CPNE2: variants seen among roughly 807,000 people sequenced by gnomAD.
The protein encoded by CPNE2 is copine-2.
In CPNE2, 42 loss-of-function variants were observed where a neutral mutation model predicts 69.7. The ratio of observed to expected loss-of-function variants is 0.60; its 90% CI spans 0.47 to 0.78. The LOEUF is 0.78. Ranked by LOEUF, CPNE2 falls within the 30% of genes least tolerant of loss-of-function variation. The pLI, the probability that CPNE2 is intolerant of heterozygous loss-of-function variation, is 0.00. For missense variants in CPNE2, 587 were observed against 732.0 expected (o/e 0.80, Z 2.29); for synonymous variants, 294 against 289.8 (o/e 1.01, Z -0.15).
At position 57,136,598 on chromosome 16, in the gene CPNE2, C is replaced by T. The variant is rs2069883356; in HGVS notation, c.1169-551C>T. 3.9e-5 allele frequency among the ~76,000 whole-genome samples: 6 copies of T among 152,282 alleles called. No homozygotes were observed. The South Asian group carries it at 1.0e-3, about 26-fold the overall frequency. ...AGCCTCAGAAAGATTAAACTACTTG[C>T]CCCAGGTCCCACAGCTAAGAAAGGC... On this transcript the variant is annotated intron_variant, in intron 13 of 15. Transcript: ENST00000290776.
At chr16:57,134,889 TGGAG>T in intron 13 of CPNE2, 63 bp downstream of exon 13, 4 of 1,535,648 alleles carry the variant, frequency 2.6e-6, no homozygotes, top group Non-Finnish European at 3.6e-6. Flanking sequence ...GCTCCCTGGG[TGGAG>T]GGAGGGCAGA....
intron 5 of CPNE2, among the ~76,000 whole-genome samples, chr16:57,118,167 C>CTTT (rs375042587): frequency 2.2e-5 from 3 of 135,960 alleles, no homozygotes; most frequent in African/African-American, 5.4e-5. Context: ...TACTTTCTTT[C>CTTT]TTTTTTTTTT....
Position 57,119,214 on chromosome 16 carries a change from A to G in CPNE2, c.527A>G (p.Asp176Gly), listed in dbSNP as rs759219187. The G allele has an allele frequency of 1.2e-6, 2 of 1,613,772 alleles. No individual in the cohort carries two copies. Among genetic ancestry groups the G allele is most frequent in the Non-Finnish European group, 1.7e-6 (2 of 1,179,970 alleles). ...LDKKDLFGKSDPFLEFYKPGD... is the reference protein window; with the variant it reads ...LDKKDLFGKSGPFLEFYKPGD... ...TCCCAGGACCTCTTTGGGAAGTCAG[A>G]CCCCTTTCTGGAGTTTTATAAGCCA... The change falls in exon 6 of 16, where the codon GAC becomes GGC. Residue 176 changes from aspartate (D) to glycine (G), a missense_variant. This residue lies in a region of CPNE2 where 269 missense variants were observed against 300.5 expected (regional missense o/e 0.90). Transcript: ENST00000290776.
chr16:57,106,887 C>T (rs2069651724), intron 1 of CPNE2, among the ~76,000 whole-genome samples: 1 of 152,206 alleles, frequency 6.6e-6, no homozygotes, highest in South Asian at 2.1e-4. Context: ...GCTCCCCTGG[C>T]CTGGCTGATG....
At position 57,137,237 on chromosome 16, in the gene CPNE2, C is replaced by T. The variant is rs376222779; in HGVS notation, c.1257C>T (p.His419=). The change falls in exon 14 of 16, where the codon CAC becomes CAT. Residue 419 remains histidine (H), a synonymous_variant. Transcript: ENST00000290776. ...CCAATTTCTCCCCCATCGTCAACCA[C>T]GTGGCCCGGTTTGCGGCCCAGGCCA... ...GPTNFSPIVN[H]VARFAAQATQ... 6.6e-5 allele frequency: 106 copies of T among 1,614,252 alleles called. 1 individual carries two copies. The African/African-American group carries it at 1.1e-3, about 16-fold the overall frequency.
In CPNE2 at chr16:57,146,252, G is replaced by A; in HGVS notation, c.1470G>A (p.Leu490=). The change falls in exon 15 of 16, where the codon CTG becomes CTA. Residue 490 remains leucine (L), a synonymous_variant. Coordinates refer to ENST00000290776, the MANE Select transcript of CPNE2 (RefSeq NM_152727.6). The surrounding 1 kb of genome is among the most constrained non-coding windows in gnomAD (Gnocchi z 4.4). ...TCCTGGATGGGGACAGCCGCATGCTGCGCTCCCACACGGGGGAGGAGGCAG... is the reference window on the plus strand; with the variant it reads ...TCCTGGATGGGGACAGCCGCATGCTACGCTCCCACACGGGGGAGGAGGCAG... ...MEFLDGDSRM[L]RSHTGEEAAR... 6.4e-7 allele frequency: 1 copy of A among 1,558,628 alleles called. No homozygotes were observed. Among genetic ancestry groups the A allele is most frequent in the Non-Finnish European group, 8.7e-7 (1 of 1,150,580 alleles).
intron 1 of CPNE2, among the ~76,000 whole-genome samples, chr16:57,108,308 A>G (rs1169801586): frequency 2.0e-5 from 3 of 152,222 alleles, no homozygotes; most frequent in Non-Finnish European, 2.9e-5. Context: ...CTTGCCTCGT[A>G]AGACTGAGTG....
At chr16:57,109,207 G>T (rs2069665101) in intron 1 of CPNE2, among the ~76,000 whole-genome samples, 1 of 152,202 alleles carries the variant, frequency 6.6e-6, no homozygotes, top group Non-Finnish European at 1.5e-5. Flanking sequence ...AGGCGCGGTG[G>T]CTCATGCCTG....
At chr16:57,137,394 C>T in intron 14 of CPNE2, 112 bp downstream of exon 14, 14 of 1,310,852 alleles carry the variant, frequency 1.1e-5, no homozygotes, top group Non-Finnish European at 1.5e-5. Flanking sequence ...CACCTCTGGG[C>T]CTTGCTTTAC....
Position 57,134,807 on chromosome 16 carries a change from C to A in CPNE2, c.1149C>A (p.Pro383=). 6.2e-7 allele frequency: 1 copy of A among 1,613,978 alleles called. No individual in the cohort carries two copies. The highest frequency in any genetic ancestry group is 1.1e-5 in the South Asian group (1 of 91,068). ...ATGAGTTTGCCATCAACTTCAACCC[C>A]ACCAACCCCTTCTGCTCAGGTGAGT... ...VSHEFAINFN[P]TNPFCSGVDG... is the part of the protein sequence containing the mutation. The change falls in exon 13 of 16, where the codon CCC becomes CCA. Residue 383 remains proline, a synonymous_variant. Coordinates refer to ENST00000290776, the MANE Select transcript of CPNE2 (RefSeq NM_152727.6).
chr16:57,123,314 T>G, intron 9 of CPNE2, 100 bp from the exon 10 acceptor site: 1 of 1,260,172 alleles, frequency 7.9e-7, no homozygotes, highest in Non-Finnish European at 1.2e-6. Flanking sequence ...TTTTTTGACC[T>G]CCTTGTCCCT....
At chr16:57,138,550 C>G (rs561792728) in intron 14 of CPNE2, among the ~76,000 whole-genome samples, 18 of 152,274 alleles carry the variant, frequency 1.2e-4, no homozygotes, top group African/African-American at 3.4e-4. Context: ...CCTAACCCCC[C>G]GTGTGTTCCT....
intron 10 of CPNE2, chr16:57,124,475 T>C (rs1303963585): frequency 2.4e-6 from 1 of 419,166 alleles, no homozygotes; most frequent in Non-Finnish European, 4.9e-6. Flanking sequence ...GGAATGTGAG[T>C]GCTTTTAAGT....
intron 7 of CPNE2, 60 bp from the exon 8 acceptor site, chr16:57,121,033 G>A: frequency 7.7e-7 from 1 of 1,293,692 alleles, no homozygotes. Flanking sequence ...GGAGTTGAGA[G>A]GGGCTGGAGA....
At chr16:57,111,015 T>A (rs2069678240) in intron 2 of CPNE2, 93 bp downstream of exon 2, 1 of 1,146,820 alleles carries the variant, frequency 8.7e-7, no homozygotes, top group Non-Finnish European at 1.2e-6. Context: ...GGATGTCTGA[T>A]GGAAGTAGTT....
chr16:57,137,122 C>T, intron 13 of CPNE2, 27 bp from the exon 14 acceptor site: 1 of 1,610,644 alleles, frequency 6.2e-7, no homozygotes, highest in Non-Finnish European at 8.5e-7. Context: ...GGAGACCTGG[C>T]TGATCCAGAC....
At chr16:57,096,154 C>G (rs2069577010) in intron 1 of CPNE2, among the ~76,000 whole-genome samples, 1 of 152,220 alleles carries the variant, frequency 6.6e-6, no homozygotes, top group Admixed American at 6.5e-5. Flanking sequence ...GAATTACGAG[C>G]TTGCCCTCTT....
At chr16:57,124,087 C>CTT (rs1187084598) in intron 10 of CPNE2, 17 of 145,716 alleles carry the variant, frequency 1.2e-4, no homozygotes, top group South Asian at 2.0e-4. Context: ...CTTTTCTTTT[C>CTT]TTTTTTTTTT....
chr16:57,108,171 G>A (rs770889499), intron 1 of CPNE2, among the ~76,000 whole-genome samples: 2 of 152,116 alleles, frequency 1.3e-5, no homozygotes, highest in East Asian at 1.9e-4. Flanking sequence ...ATGCCCAGCC[G>A]AGAGCAGTCT....
Sources: gnomAD v4.1 joint callset for allele counts (sites outside exome capture counted in the v4.1 genomes callset) on GRCh38, gnomAD v4.1.1 for gene constraint, gnomAD v4.1.1 regional missense constraint, Gnocchi (gnomAD v3.1) non-coding constraint, MANE v1.5 for transcripts, NCBI Gene and HGNC (gene_info 2026-07-23, HGNC 2026-07-21) for gene names.